The following PANK3 variants were observed in gnomAD, a reference collection of about 807,000 sequenced individuals.
PANK3 encodes the protein pantothenate kinase 3, also known as hPanK3.
Under a neutral mutation model 39.4 loss-of-function variants are expected in PANK3, and 20 were observed. The observed-to-expected ratio is 0.51, with a 90% confidence interval of 0.36 to 0.74. The LOEUF (loss-of-function observed/expected upper bound fraction) is 0.74. Ranked by LOEUF, PANK3 falls within the 30% of genes least tolerant of loss-of-function variation. The pLI is 0.00. For missense variants in PANK3, 265 were observed against 437.0 expected, an observed-to-expected ratio of 0.61 and a Z score of 3.51; for synonymous variants, 140 against 157.3, an observed-to-expected ratio of 0.89 and a Z score of 0.82.
At chr5:168,573,980 G>C (rs1447694298) in intron 1 of PANK3, among the ~76,000 whole-genome samples, 2 of 151,852 alleles carry the variant, frequency 1.3e-5, no homozygotes, top group Non-Finnish European at 2.9e-5. Flanking sequence ...ATAAACATAC[G>C]TGTGCATGTG....
At chr5:168,569,482 G>A (rs1048240380) in intron 1 of PANK3, among the ~76,000 whole-genome samples, 1 of 151,884 alleles carries the variant, frequency 6.6e-6, no homozygotes, top group Admixed American at 6.6e-5. Context: ...GTGAGCCACC[G>A]CGCTCGGCCC....
intron 1 of PANK3, among the ~76,000 whole-genome samples, chr5:168,576,292 C>T (rs1204629919): frequency 6.6e-6 from 1 of 152,212 alleles, no homozygotes; most frequent in Non-Finnish European, 1.5e-5. Flanking sequence ...TACCTTACTA[C>T]TTGGGTTAAT....
At chr5:168,565,868 A>AAAATATATATATATATATATATATATAT in intron 3 of PANK3, 145 bp downstream of exon 3, 17 of 131,384 alleles carry the variant, frequency 1.3e-4, no homozygotes, top group East Asian at 3.8e-4. Flanking sequence ...AAAAAAAAAA[A>AAAATATATATATATATATATATATATAT]ATATATATAT....
chr5:168,563,638 G>T (rs1481827189), intron 4 of PANK3, among the ~76,000 whole-genome samples: 2 of 150,558 alleles, frequency 1.3e-5, no homozygotes, highest in East Asian at 3.9e-4. Context: ...GTAAAAATAT[G>T]TATTTGTATT....
At position 168,550,524 on chromosome 5, in the gene PANK3, T is replaced by C. The variant is rs1411956284; in HGVS notation, c.*7047A>G. 6.6e-6 allele frequency: 1 copy of C among 152,216 alleles called. No homozygotes were observed. Among genetic ancestry groups the C allele is most frequent in the African/African-American group, 2.4e-5 (1 of 41,460 alleles). 9.4% of individuals were successfully genotyped at this position (152,216 alleles called of 1,614,324 possible). ...AGATTTAAAAGTACAAACATTTTAA[T>C]ATACATATAAAACCTTTCATATTAC... On this transcript the variant is annotated 3_prime_UTR_variant, in exon 7 of 7. Transcript: ENST00000239231.
chr5:168,559,169 GAACA>G lies in PANK3; in HGVS notation c.937-16_937-13del, dbSNP rs1759402827. On this transcript the variant is annotated splice_polypyrimidine_tract_variant and intron_variant, in intron 5 of 6. Transcript: ENST00000239231. ...ACTCTGTTTATTTTCTAAAAGAAAA[GAACA>G]AAGAAAAAACTTGTAAAAATAATAG... 6.9e-7 allele frequency: 1 copy of G among 1,452,126 alleles called. No homozygotes were observed. The highest frequency in any genetic ancestry group is 9.3e-7 in the Non-Finnish European group (1 of 1,073,496). The allele number at this position is 1,452,126 out of a possible 1,614,324, so 90.0% of individuals were successfully genotyped here.
In PANK3 at chr5:168,556,132, A is replaced by T. The variant is rs1759345329; in HGVS notation, c.*1439T>A. ...CTTAAGGTTGAAGGCAGAGGGCTCA[A>T]CCCCACTCCAGATTCAGGCAAGGGG... is the stretch of plus-strand genomic sequence containing the variant. On this transcript the variant is annotated 3_prime_UTR_variant, in exon 7 of 7. Coordinates refer to ENST00000239231, the MANE Select transcript of PANK3 (RefSeq NM_024594.4). 6.6e-6 allele frequency: 1 copy of T among 152,194 alleles called. No homozygotes were observed. Among genetic ancestry groups the T allele is most frequent in the Non-Finnish European group, 1.5e-5 (1 of 68,042 alleles). 9.4% of individuals were successfully genotyped at this position (152,194 alleles called of 1,614,324 possible). A position where few individuals can be genotyped will look rare whatever the true frequency, so the allele number is the denominator to read the frequency against.
Position 168,570,676 on chromosome 5 carries a change from C to A in PANK3, c.29-1678G>T, listed in dbSNP as rs560694663. On this transcript the variant is annotated intron_variant, in intron 1 of 6. Transcript: ENST00000239231. ...GGCATACGTCAGTACGGTTAAGGAA[C>A]TAGAAAAAGGGGGAAGTCTAAGGAA... Among the ~76,000 whole-genome samples the A allele has an allele frequency of 2.0e-5, 3 of 152,198 alleles. 1 individual carries two copies. The South Asian group carries it at 6.2e-4, about 32-fold the overall frequency.
chr5:168,571,818 T>C (rs191022015), intron 1 of PANK3, among the ~76,000 whole-genome samples: 4 of 152,204 alleles, frequency 2.6e-5, no homozygotes, highest in Admixed American at 1.3e-4. Context: ...TTTGGAGAAA[T>C]AGCTCGTTCG....
intron 1 of PANK3, among the ~76,000 whole-genome samples, chr5:168,572,744 G>C (rs747459401): frequency 5.9e-5 from 9 of 152,164 alleles, no homozygotes; most frequent in Non-Finnish European, 7.3e-5. Flanking sequence ...TCAGAGGCCT[G>C]ATGTTCCTGT....
intron 4 of PANK3, 101 bp from the exon 5 acceptor site, chr5:168,561,617 A>G (rs913931486): frequency 9.4e-7 from 1 of 1,060,514 alleles, no homozygotes; most frequent in East Asian, 3.0e-5. Flanking sequence ...TAAAATTAGG[A>G]CCAAAAAGTA....
chr5:168,551,888 T>C lies in PANK3; in HGVS notation c.*5683A>G, dbSNP rs1044035455. The C allele has an allele frequency of 1.3e-5, 2 of 152,180 alleles. No homozygotes were observed. Among genetic ancestry groups the C allele is most frequent in the Non-Finnish European group, 2.9e-5 (2 of 68,028 alleles). The allele number at this position is 152,180 out of a possible 1,614,324, so 9.4% of individuals were successfully genotyped here. On this transcript the variant is annotated 3_prime_UTR_variant, in exon 7 of 7. Transcript: ENST00000239231. ...GCAATAGTACTGACTTTACCCAAAC[T>C]AAGAGACCACCTAATTTCCAACTTT... is the stretch of plus-strand genomic sequence containing the variant.
At chr5:168,566,471 A>C (rs1759536579) in intron 2 of PANK3, among the ~76,000 whole-genome samples, 1 of 152,064 alleles carries the variant, frequency 6.6e-6, no homozygotes, top group African/African-American at 2.4e-5. Flanking sequence ...TAGTTTTCTA[A>C]ATGATGGGGA....
At chr5:168,560,777 AATATAT>A (rs1759433933) in intron 5 of PANK3, 1 of 178,284 alleles carries the variant, frequency 5.6e-6, no homozygotes, top group African/African-American at 2.4e-5. Flanking sequence ...GCTAGAATTA[AATATAT>A]ATATTCTCTT....
At chr5:168,579,176 G>C in intron 1 of PANK3, 80 bp downstream of exon 1, 1 of 1,326,370 alleles carries the variant, frequency 7.5e-7, no homozygotes, top group South Asian at 1.6e-5. Flanking sequence ...GGGCTTGGAA[G>C]CCGACCGCCC....
rs926386310 is a variant in PANK3, at chr5:168,552,958, G to A, written c.*4613C>T. The A allele has an allele frequency of 1.6e-4, 33 of 204,922 alleles. No individual in the cohort carries two copies. The highest frequency in any genetic ancestry group is 2.2e-4 in the Admixed American group (4 of 17,886). 12.7% of individuals were successfully genotyped at this position (204,922 alleles called of 1,614,324 possible). A position where few individuals can be genotyped will look rare whatever the true frequency, so the allele number is the denominator to read the frequency against. ...TTGGTAGCTGGGTACTCTAAAGAGC[G>A]CCAGTGTAGTGACTTGCTTTTCTTG... On this transcript the variant is annotated 3_prime_UTR_variant, in exon 7 of 7. Transcript: ENST00000239231.
chr5:168,559,309 C>T, intron 5 of PANK3, 152 bp from the exon 6 acceptor site: 1 of 509,022 alleles, frequency 2.0e-6, no homozygotes, highest in Non-Finnish European at 3.3e-6. Context: ...TGGCATATAG[C>T]TGTATAATCC....
In PANK3 at chr5:168,552,734, T is replaced by C. The variant is rs1343526103; in HGVS notation, c.*4837A>G. ...ACGCCATGCCTCAAGACCTATCATATGTAAAGTCCTTCCTGCCCTTTCAAC... is the reference window on the plus strand; with the variant it reads ...ACGCCATGCCTCAAGACCTATCATACGTAAAGTCCTTCCTGCCCTTTCAAC... On this transcript the variant is annotated 3_prime_UTR_variant, in exon 7 of 7. Transcript: ENST00000239231. The C allele has an allele frequency of 5.5e-6, 1 of 180,324 alleles. No individual in the cohort carries two copies. The allele number at this position is 180,324 out of a possible 1,614,324, so 11.2% of individuals were successfully genotyped here.
At position 168,579,257 on chromosome 5, in the gene PANK3, G is replaced by T; in HGVS notation, c.27C>A (p.Pro9=). ...GGCGGGCCCCAGCCCCCGTCTTACA[G>T]GGTTTCTTGGCATCTTTGATCTTCA... is the stretch of plus-strand genomic sequence containing the variant. MKIKDAKK[P]SFPWFGMDIG... is the part of the protein sequence containing the mutation. Residue 9 remains proline (P), a splice_region_variant and synonymous_variant, in exon 1 of 7, where the codon CCC becomes CCA. Transcript: ENST00000239231. 1 of 1,499,404 alleles carries T rather than the reference G, an allele frequency of 6.7e-7. No individual in the cohort carries two copies. Among genetic ancestry groups the T allele is most frequent in the Admixed American group, 2.3e-5 (1 of 42,888 alleles). The allele number at this position is 1,499,404 out of a possible 1,614,324, so 92.9% of individuals were successfully genotyped here.
Sources: gnomAD v4.1 joint callset for allele counts (sites outside exome capture counted in the v4.1 genomes callset) on GRCh38, gnomAD v4.1.1 for gene constraint, MANE v1.5 for transcripts, NCBI Gene and HGNC (gene_info 2026-07-23, HGNC 2026-07-21) for gene names.